The following KLHL5 variants were observed in gnomAD, a reference collection of about 807,000 sequenced individuals.
KLHL5 encodes the protein kelch like family member 5, also known as kelch-like protein 5.
Under a neutral mutation model 77.7 loss-of-function variants are expected in KLHL5, and 48 were observed. The observed-to-expected ratio is 0.62, with a 90% CI of 0.49 to 0.79. The LOEUF (loss-of-function observed/expected upper bound fraction) is 0.79, where lower values mean the gene tolerates loss of function less well. Ranked by LOEUF, KLHL5 falls within the 30% of genes least tolerant of loss-of-function variation. The pLI is 0.00. For synonymous variants in KLHL5, 260 were observed against 297.0 expected, an observed-to-expected ratio of 0.88 and a Z score of 1.28; for missense variants, 723 against 859.7, an observed-to-expected ratio of 0.84 and a Z score of 1.99.
chr4:39,044,965 AC>A (rs1232666376), upstream of KLHL5: 2 of 833,528 alleles, frequency 2.4e-6, no homozygotes, highest in Non-Finnish European at 2.6e-6. Context: ...GGCTGCCCGG[AC>A]AGGGTCTAGG....
At chr4:39,069,459 TATATATATATATATACACACAC>T (rs1718231783) in intron 1 of KLHL5, among the ~76,000 whole-genome samples, 1 of 48,476 alleles carries the variant, frequency 2.1e-5, no homozygotes, top group African/African-American at 6.7e-5. Context: ...TATATATATA[TATATATATATATATACACACAC>T]ACACACACAC....
downstream of KLHL5, among the ~76,000 whole-genome samples, chr4:39,129,087 C>T (rs776438431): frequency 5.9e-5 from 9 of 151,582 alleles, no homozygotes; most frequent in African/African-American, 1.7e-4. This position sits in a 1 kb window ranked among gnomAD's most constrained non-coding sequence, Gnocchi z 4.2. Flanking sequence ...AGTAGCCATA[C>T]GGACTGCTTC....
At chr4:39,070,787 G>A (rs1488644823) in intron 1 of KLHL5, among the ~76,000 whole-genome samples, 2 of 152,134 alleles carry the variant, frequency 1.3e-5, no homozygotes, top group African/African-American at 4.8e-5. Context: ...CTTGAGGAGG[G>A]AAAGGGTGAA....
rs1409222376 is a variant in KLHL5, at chr4:39,122,296, A to C, written c.*1230A>C. 6.6e-6 allele frequency: 1 copy of C among 152,250 alleles called. No individual in the cohort carries two copies. Among genetic ancestry groups the C allele is most frequent in the African/African-American group, 2.4e-5 (1 of 41,470 alleles). 9.4% of individuals were successfully genotyped at this position (152,250 alleles called of 1,614,324 possible). ...TATTTGCTAATATTGTTTATTGTGA[A>C]CTAGGAATCAAAGTTTTTGTATGCA... On this transcript the variant is annotated 3_prime_UTR_variant, in exon 11 of 11. Transcript: ENST00000504108.
At chr4:39,093,110 A>T in intron 5 of KLHL5, 1 of 456,022 alleles carries the variant, frequency 2.2e-6, no homozygotes, top group Non-Finnish European at 4.4e-6. Flanking sequence ...AGAAGCATCC[A>T]TCAACTGGTG....
chr4:39,124,802 C>CAAAAAAAAAAAAAAAAAA lies in KLHL5; in HGVS notation c.*3743_*3760dup, dbSNP rs71643268. Among the ~76,000 whole-genome samples the CAAAAAAAAAAAAAAAAAA allele has an allele frequency of 2.2e-3, 95 of 44,100 alleles. 1 individual carries two copies. The highest frequency in any genetic ancestry group is 0.023 in the Middle Eastern group (1 of 44). The allele number at this position is 44,100 out of a possible 152,430, so 28.9% of individuals were successfully genotyped here. A position where few individuals can be genotyped will look rare whatever the true frequency, so the allele number is the denominator to read the frequency against. Reference sequence around the variant, plus strand: ...GCACCAAAAGCACAAGCAACAACAGCAAAAAAAAAAAAAAAAAAAAAAAAT... The same window carrying CAAAAAAAAAAAAAAAAAA: ...GCACCAAAAGCACAAGCAACAACAGCAAAAAAAAAAAAAAAAAAAAAAAAAAAAAAAAAAAAAAAAAAT... On this transcript the variant is annotated 3_prime_UTR_variant, in exon 11 of 11. Transcript: ENST00000504108.
intron 1 of KLHL5, among the ~76,000 whole-genome samples, chr4:39,068,191 A>G (rs1159772124): frequency 1.3e-5 from 2 of 151,646 alleles, no homozygotes; most frequent in African/African-American, 4.8e-5. Flanking sequence ...CTTTTTCTTG[A>G]CCTTCTTTAT....
At chr4:39,131,900 A>AG in the KLHL5 span, among the ~76,000 whole-genome samples, 1 of 152,052 alleles carries the variant, frequency 6.6e-6, no homozygotes, top group African/African-American at 2.4e-5. Flanking sequence ...AAAAAAAAAA[A>AG]AAAGAAAAAA....
At chr4:39,110,301 CTT>C (rs932279793) in intron 8 of KLHL5, among the ~76,000 whole-genome samples, 1 of 152,138 alleles carries the variant, frequency 6.6e-6, no homozygotes, top group African/African-American at 2.4e-5. Flanking sequence ...TGAGGAAAAT[CTT>C]GATCCACAGA....
rs780673791 is a variant in KLHL5, at chr4:39,062,969, T to A, written c.317T>A (p.Leu106Gln). ...GAAGATTGTGGCGGTGCACATTGGCTGGATAGACCAGAAGTGGATGATGGC... is the reference window on the plus strand; with the variant it reads ...GAAGATTGTGGCGGTGCACATTGGCAGGATAGACCAGAAGTGGATGATGGC... ...TAEDCGGAHWLDRPEVDDGTS... is the reference protein window; with the variant it reads ...TAEDCGGAHWQDRPEVDDGTS... The change falls in exon 1 of 11, where the codon CTG (leucine) becomes CAG (glutamine). Residue 106 changes from leucine (L) to glutamine (Q), a missense_variant. This residue lies in a region of KLHL5 where 221 missense variants were observed against 222.1 expected (regional missense o/e 1.00). Transcript: ENST00000504108. 2 of 1,614,142 alleles carry A rather than the reference T, an allele frequency of 1.2e-6. No homozygotes were observed. The highest frequency in any genetic ancestry group is 1.7e-6 in the Non-Finnish European group (2 of 1,179,998).
rs1722152832 is a variant in KLHL5 at position 39,107,695 on chromosome 4, C to T, written c.1652C>T (p.Pro551Leu). The change falls in exon 8 of 11, where the codon CCT becomes CTT. Residue 551 changes from proline (P) to leucine (L), a missense_variant. Pro to Leu is a moderately conservative substitution (Grantham distance 98). Transcript: ENST00000504108. ...AATTTTGTTGCCACTATGTCTACCC[C>T]TAGGAGTACAGTAGGTGTGGCAGTA... ...QWNFVATMST[P>L]RSTVGVAVLS... The T allele has an allele frequency of 6.2e-7, 1 of 1,611,736 alleles. No individual in the cohort carries two copies. Among genetic ancestry groups the T allele is most frequent in the African/African-American group, 1.3e-5 (1 of 74,824 alleles).
At chr4:39,110,397 A>G (rs1011567877) in intron 8 of KLHL5, among the ~76,000 whole-genome samples, 2 of 151,746 alleles carry the variant, frequency 1.3e-5, no homozygotes, top group African/African-American at 4.9e-5. Flanking sequence ...TAAATTGCCC[A>G]GTTTGAAAGT....
chr4:39,070,806 T>C (rs182410794), intron 1 of KLHL5, among the ~76,000 whole-genome samples: 149 of 152,270 alleles, frequency 9.8e-4, no homozygotes, highest in Admixed American at 7.2e-3. Flanking sequence ...AAGACATCCA[T>C]TTTCCTTAGC....
intron 4 of KLHL5, among the ~76,000 whole-genome samples, chr4:39,085,773 C>G (rs1719983675): frequency 6.6e-6 from 1 of 151,914 alleles, no homozygotes; most frequent in Non-Finnish European, 1.5e-5. Flanking sequence ...TAGGTCACTA[C>G]TTTTTTTTCC....
At chr4:39,044,866 G>C, upstream of KLHL5, 4 of 863,372 alleles carry the variant, frequency 4.6e-6, no homozygotes, top group Non-Finnish European at 5.6e-6. Context: ...CGCCCCCTCC[G>C]GGGCCACCCG....
intron 7 of KLHL5, among the ~76,000 whole-genome samples, chr4:39,104,870 A>G (rs1368472301): frequency 2.0e-5 from 3 of 151,678 alleles, no homozygotes; most frequent in Non-Finnish European, 4.4e-5. Context: ...GGTTCAAGTG[A>G]TTCCCCTGCC....
chr4:39,054,234 T>G (rs2711956), intron 1 of KLHL5, among the ~76,000 whole-genome samples: 4 of 152,026 alleles, frequency 2.6e-5, no homozygotes, highest in Non-Finnish European at 5.9e-5. Flanking sequence ...TTTTGAGTAG[T>G]GAATGAGAAT....
At chr4:39,050,698 A>G (rs1481308541) in intron 1 of KLHL5, among the ~76,000 whole-genome samples, 1 of 152,240 alleles carries the variant, frequency 6.6e-6, no homozygotes, top group Non-Finnish European at 1.5e-5. Context: ...AATTAGTGTA[A>G]TTGACAACTT....
chr4:39,078,985 A>G (rs1719355867), intron 2 of KLHL5, among the ~76,000 whole-genome samples: 2 of 150,460 alleles, frequency 1.3e-5, no homozygotes, highest in African/African-American at 5.0e-5. Context: ...TCAGTGACTC[A>G]ATTAGCATAC....
Sources: gnomAD v4.1 joint callset for allele counts (sites outside exome capture counted in the v4.1 genomes callset) on GRCh38, gnomAD v4.1.1 for gene constraint, gnomAD v4.1.1 regional missense constraint, Gnocchi (gnomAD v3.1) non-coding constraint, MANE v1.5 for transcripts, NCBI Gene and HGNC (gene_info 2026-07-23, HGNC 2026-07-21) for gene names.